The following PYGM variants were observed in gnomAD, a reference collection of about 807,000 sequenced individuals.
PYGM encodes the protein glycogen phosphorylase, muscle associated.
PYGM carries 81 observed loss-of-function variants against 99.3 expected under a neutral mutation model. The observed-to-expected ratio is 0.82, with a 90% CI of 0.68 to 0.98. PYGM has a LOEUF of 0.98. Ranked by LOEUF, PYGM falls within the 50% of genes least tolerant of loss-of-function variation. The probability of loss-of-function intolerance (pLI) is 0.00; values close to 1 mark genes in which losing one functional copy is unlikely to be tolerated. For synonymous variants in PYGM, 436 were observed against 451.5 expected (o/e 0.97, Z 0.44); for missense variants, 1,030 against 1,158.1 (o/e 0.89, Z 1.61).
chr11:64,756,397 G>A (rs915976744), intron 5 of PYGM, among the ~76,000 whole-genome samples: 2 of 152,250 alleles, frequency 1.3e-5, no homozygotes, highest in Admixed American at 6.5e-5. Context: ...CAGCCCATCT[G>A]GGGGCTGATG....
intron 17 of PYGM, chr11:64,747,732 G>A (rs2058324615): frequency 2.9e-6 from 1 of 349,298 alleles, no homozygotes; most frequent in Admixed American, 3.9e-5. Flanking sequence ...AGCAAGAGCA[G>A]CTAACAGGTA....
intron 1 of PYGM, 54 bp downstream of exon 1, chr11:64,759,602 G>C (rs1158657620): frequency 6.2e-7 from 1 of 1,606,254 alleles, no homozygotes; most frequent in Non-Finnish European, 8.5e-7. Flanking sequence ...AAGATCGCCA[G>C]CTCCCTGGCA....
chr11:64,756,959 T>G (rs535283692), intron 5 of PYGM, among the ~76,000 whole-genome samples: 2 of 152,148 alleles, frequency 1.3e-5, no homozygotes, highest in South Asian at 4.2e-4. Context: ...ACCAGCACCC[T>G]GGCTAATTTT....
rs71581786 is a variant in PYGM at position 64,752,551 on chromosome 11, C to T, written c.1519-47G>A. 2.6e-6 allele frequency: 4 copies of T among 1,543,288 alleles called. No individual in the cohort carries two copies. In the African/African-American group the frequency reaches 5.5e-5, roughly 21 times the overall value. On this transcript the variant is annotated intron_variant, in intron 12 of 19. Coordinates refer to ENST00000164139, the MANE Select transcript of PYGM (RefSeq NM_005609.4). The stretch of plus-strand genomic sequence containing the variant: ...CCAAGCCCATCCCCATGTCCTCCCT[C>T]CTCCCAACACAGAAGGGGCCATTTC...
chr11:64,750,163 C>T (rs945018046), intron 17 of PYGM, among the ~76,000 whole-genome samples: 1 of 152,090 alleles, frequency 6.6e-6, no homozygotes, highest in African/African-American at 2.4e-5. Flanking sequence ...TATTCTCTTC[C>T]TTTTCCTTCA....
chr11:64,759,275 G>A (rs1281016908), intron 1 of PYGM, among the ~76,000 whole-genome samples: 2 of 147,134 alleles, frequency 1.4e-5, no homozygotes, highest in African/African-American at 2.5e-5. Context: ...TGACCCCACC[G>A]GACACTTGAT....
At chr11:64,748,728 C>T (rs758111521) in intron 17 of PYGM, 8 of 152,160 alleles carry the variant, frequency 5.3e-5, no homozygotes, top group East Asian at 1.9e-4. Flanking sequence ...AGACTAATAA[C>T]ATGGAAAATC....
chr11:64,760,419 G>A (rs2058427199), upstream of PYGM: 1 of 179,486 alleles, frequency 5.6e-6, no homozygotes, highest in Non-Finnish European at 1.2e-5. Flanking sequence ...CTTTGAGAAA[G>A]GGGCCCACGA....
At chr11:64,756,715 A>C (rs2058396612) in intron 5 of PYGM, among the ~76,000 whole-genome samples, 1 of 152,188 alleles carries the variant, frequency 6.6e-6, no homozygotes, top group African/African-American at 2.4e-5. Flanking sequence ...GGCCTCCCAA[A>C]GTGCTGAGAT....
rs978554412 is a variant in PYGM at position 64,747,455 on chromosome 11, C to G, written c.2178-97G>C. The G allele has an allele frequency of 9.0e-6, 14 of 1,548,080 alleles. No homozygotes were observed. The Admixed American group carries it at 1.0e-4, about 11-fold the overall frequency. On this transcript the variant is annotated intron_variant, in intron 17 of 19. Transcript: ENST00000164139. ...AGTCCCATGCCCCAGGGTCAAAACC[C>G]AGGTCCAGCCTGCTGCTCCCCAGGG...
intron 5 of PYGM, among the ~76,000 whole-genome samples, chr11:64,757,095 T>G (rs188503094): frequency 1.3e-5 from 2 of 152,196 alleles, no homozygotes; most frequent in Non-Finnish European, 2.9e-5. Context: ...TGGCTAATTT[T>G]TGTATTTTTT....
In PYGM at chr11:64,746,979, A is replaced by T. The variant is rs200164932; in HGVS notation, c.2321T>A (p.Val774Asp). ...NMLMHHDRFK[V>D]FADYEDYIKC... ...AATGTAGTCTTCATAATCTGCGAAG[A>T]CTTTAAACCTGGAGGGGAAAGGATA... Residue 774 changes from valine to aspartate, a missense_variant, in exon 19 of 20, where the codon GTC becomes GAC. By Grantham distance (152) the Val-to-Asp change is radical. Transcript: ENST00000164139. 6.2e-7 allele frequency: 1 copy of T among 1,614,064 alleles called. No individual in the cohort carries two copies. The highest frequency in any genetic ancestry group is 8.5e-7 in the Non-Finnish European group (1 of 1,179,996).
intron 17 of PYGM, 127 bp downstream of exon 17, chr11:64,750,249 C>A: frequency 2.0e-6 from 2 of 1,001,764 alleles, no homozygotes; most frequent in South Asian, 1.3e-5. Flanking sequence ...TTCCCAGAAT[C>A]CTGCTGGCCA....
At chr11:64,758,202 C>T in intron 4 of PYGM, 44 bp downstream of exon 4, 1 of 1,551,368 alleles carries the variant, frequency 6.4e-7, no homozygotes, top group Non-Finnish European at 8.9e-7. Context: ...GGGGGTCTTC[C>T]CCATCCTGAC....
chr11:64,751,646 C>T lies in PYGM; in HGVS notation c.1778G>A (p.Arg593Lys), dbSNP rs1006964717. The T allele has an allele frequency of 1.2e-6, 2 of 1,613,880 alleles. No homozygotes were observed. The highest frequency in any genetic ancestry group is 2.2e-5 in the East Asian group (1 of 44,898). Residue 593 changes from arginine (R) to lysine (K), a missense_variant, in exon 15 of 20, where the codon AGG becomes AAG. Arg to Lys is a conservative substitution (Grantham distance 26, BLOSUM62 2). Transcript: ENST00000164139. Reference protein sequence around the residue: ...HVITLYNRIKREPNKFFVPRT... With the variant: ...HVITLYNRIKKEPNKFFVPRT... The stretch of plus-strand genomic sequence containing the variant: ...AGGCACAAAAAACTTATTGGGCTCC[C>T]TCTTGATGCCTGTGGAGAAACGAGA...
intron 19 of PYGM, 49 bp downstream of exon 19, chr11:64,746,872 C>T (rs1200197566): frequency 6.2e-7 from 1 of 1,614,070 alleles, no homozygotes; most frequent in African/African-American, 1.3e-5. Context: ...TGCCTCATCC[C>T]AACCAGGGCC....
intron 16 of PYGM, 155 bp downstream of exon 16, chr11:64,751,170 G>A: frequency 5.2e-6 from 6 of 1,160,112 alleles, no homozygotes; most frequent in Non-Finnish European, 6.2e-6. Flanking sequence ...GGGATTACAG[G>A]CATGGGCCAC....
intron 17 of PYGM, chr11:64,748,652 T>C (rs1008551165): frequency 2.6e-5 from 4 of 152,230 alleles, no homozygotes; most frequent in African/African-American, 9.6e-5. Flanking sequence ...CCACATGGAA[T>C]TGATTAAATA....
In PYGM at chr11:64,753,958, CG is replaced by C. The variant is rs2058376454; in HGVS notation, c.1159del (p.Arg387AlafsTer37). ...NHTVLPEALE[R>X]WPVHLLETLL... ...CGTCTCCAAGAGGTGCACCGGCCAG[CG>C]CTCCAGGGCCTCGGGCAGCACCGTG... On this transcript the variant is annotated frameshift_variant, in exon 10 of 20. Transcript: ENST00000164139. LOFTEE classifies it high-confidence loss of function. 2 of 1,603,966 alleles carry C rather than the reference CG, an allele frequency of 1.2e-6. No homozygotes were observed. The highest frequency in any genetic ancestry group is 1.7e-5 in the Admixed American group (1 of 58,702).
Sources: allele counts gnomAD v4.1 joint callset (sites outside exome capture counted in the v4.1 genomes callset), GRCh38; gene constraint gnomAD v4.1.1; transcripts MANE v1.5; gene names NCBI Gene and HGNC (gene_info 2026-07-23, HGNC 2026-07-21).